The following OPCML variants were observed in gnomAD, a reference collection of about 807,000 sequenced individuals.
OPCML encodes the protein opioid binding protein/cell adhesion molecule like, also known as opioid-binding protein/cell adhesion molecule.
Under a neutral mutation model 37.8 loss-of-function variants are expected in OPCML, and 13 were observed. The observed-to-expected ratio is 0.34, with a 90% CI of 0.22 to 0.55. The LOEUF is 0.55. Ranked by LOEUF, OPCML falls within the 20% of genes least tolerant of loss-of-function variation. The probability of loss-of-function intolerance (pLI) is 0.91; values close to 1 mark genes in which losing one functional copy is unlikely to be tolerated. For missense variants in OPCML, 341 were observed against 435.6 expected, an observed-to-expected ratio of 0.78 and a Z score of 1.93; for synonymous variants, 176 against 168.8, an observed-to-expected ratio of 1.04 and a Z score of -0.33.
intron 1 of OPCML, among the ~76,000 whole-genome samples, chr11:133,411,880 G>A (rs1392923523): frequency 6.6e-6 from 1 of 152,136 alleles, no homozygotes; most frequent in Admixed American, 6.5e-5. Context: ...GGATTTGCAT[G>A]TAAGATAAAA....
chr11:132,919,663 C>T (rs904420428), intron 2 of OPCML, among the ~76,000 whole-genome samples: 4 of 152,208 alleles, frequency 2.6e-5, no homozygotes, highest in Admixed American at 1.3e-4. Context: ...ACACACGTGC[C>T]CCTTTCCAGT....
intron 7 of OPCML, among the ~76,000 whole-genome samples, chr11:132,433,224 G>A (rs751286733): frequency 5.3e-5 from 8 of 152,208 alleles, no homozygotes; most frequent in Non-Finnish European, 1.0e-4. Flanking sequence ...GTCACAATAA[G>A]TGTTGGCGGG....
chr11:133,230,275 G>A (rs995702901), intron 1 of OPCML, among the ~76,000 whole-genome samples: 4 of 152,198 alleles, frequency 2.6e-5, no homozygotes, highest in Non-Finnish European at 5.9e-5. Flanking sequence ...GTCATGAAGC[G>A]TGGTGATGCT....
intron 1 of OPCML, among the ~76,000 whole-genome samples, chr11:133,405,216 C>A (rs1329552348): frequency 6.6e-6 from 1 of 152,172 alleles, no homozygotes; most frequent in Non-Finnish European, 1.5e-5. Context: ...CTAGGGAGAC[C>A]TGTGGGCGTT....
chr11:133,483,311 C>CAGATAGATAGATAGATAGATAGAT lies in OPCML; in HGVS notation c.61+48929_61+48952dup, dbSNP rs10527085. ...ATGCGCACTAGAGCTGATAGATAGG[C>CAGATAGATAGATAGATAGATAGAT]AGATAGATAGATAGATAGATAGATA... On this transcript the variant is annotated intron_variant, in intron 1 of 7. Coordinates refer to ENST00000524381, the MANE Select transcript of OPCML (RefSeq NM_001012393.5). Among the ~76,000 whole-genome samples, 1,033 of 148,516 alleles carry CAGATAGATAGATAGATAGATAGAT rather than the reference C, an allele frequency of 7.0e-3. 5 individuals are homozygous for CAGATAGATAGATAGATAGATAGAT. The highest frequency in any genetic ancestry group is 0.012 in the African/African-American group (476 of 39,888).
At chr11:132,902,178 C>A (rs1291112424) in intron 2 of OPCML, among the ~76,000 whole-genome samples, 1 of 152,172 alleles carries the variant, frequency 6.6e-6, no homozygotes, top group Non-Finnish European at 1.5e-5. Context: ...CTGGTTGGAG[C>A]TTTCCTGAGG....
intron 1 of OPCML, among the ~76,000 whole-genome samples, chr11:133,441,471 A>T (rs1204520445): frequency 6.6e-6 from 1 of 152,230 alleles, no homozygotes; most frequent in Non-Finnish European, 1.5e-5. Flanking sequence ...TATACTATTT[A>T]TATGACTGTT....
intron 1 of OPCML, among the ~76,000 whole-genome samples, chr11:133,518,713 TGGTGTGTGTG>T (rs1948340191): frequency 6.7e-6 from 1 of 148,732 alleles, no homozygotes; most frequent in African/African-American, 2.6e-5. Flanking sequence ...TGGCAGGTGC[TGGTGTGTGTG>T]GGGCTGTGGC....
chr11:133,412,638 G>A (rs923986312), intron 1 of OPCML, among the ~76,000 whole-genome samples: 1 of 151,716 alleles, frequency 6.6e-6, no homozygotes, highest in African/African-American at 2.4e-5. Flanking sequence ...AATAGTACAC[G>A]TATGCCCCTA....
intron 2 of OPCML, among the ~76,000 whole-genome samples, chr11:132,729,710 G>T (rs1333551120): frequency 6.6e-6 from 1 of 152,210 alleles, no homozygotes; most frequent in Non-Finnish European, 1.5e-5. Context: ...CATGTGGTTT[G>T]CATTCAAATG....
chr11:132,819,682 C>A (rs1939857292), intron 2 of OPCML, among the ~76,000 whole-genome samples: 1 of 152,150 alleles, frequency 6.6e-6, no homozygotes, highest in Non-Finnish European at 1.5e-5. Flanking sequence ...TTTGTCTAGA[C>A]ATATGATATC....
chr11:133,261,986 C>T (rs972645447), intron 1 of OPCML, among the ~76,000 whole-genome samples: 1 of 152,106 alleles, frequency 6.6e-6, no homozygotes, highest in African/African-American at 2.4e-5. Flanking sequence ...CCTGCCCTGC[C>T]GTGGGTGGCT....
At chr11:133,136,547 T>C (rs1362570129) in intron 1 of OPCML, among the ~76,000 whole-genome samples, 4 of 151,946 alleles carry the variant, frequency 2.6e-5, no homozygotes, top group African/African-American at 4.8e-5. Context: ...CCTAATGGGC[T>C]GGGTTGGCTT....
chr11:133,227,875 G>T (rs932777921), intron 1 of OPCML, among the ~76,000 whole-genome samples: 1 of 152,150 alleles, frequency 6.6e-6, no homozygotes. Context: ...CGGTGCAAAC[G>T]CTGGGCCCTG....
At chr11:133,493,260 G>A (rs146229858) in intron 1 of OPCML, among the ~76,000 whole-genome samples, 5 of 152,222 alleles carry the variant, frequency 3.3e-5, no homozygotes, top group South Asian at 2.1e-4. Flanking sequence ...CTTGCACGCC[G>A]GGCAGGCCTC....
At chr11:133,052,853 C>A (rs1380734871) in intron 1 of OPCML, among the ~76,000 whole-genome samples, 1 of 152,208 alleles carries the variant, frequency 6.6e-6, no homozygotes, top group Non-Finnish European at 1.5e-5. Flanking sequence ...AAAGCAGAGG[C>A]CTGAGCCCAG....
intron 2 of OPCML, among the ~76,000 whole-genome samples, chr11:132,877,713 T>C (rs995168765): frequency 1.3e-5 from 2 of 152,164 alleles, no homozygotes; most frequent in Non-Finnish European, 2.9e-5. Context: ...TATTCACTAG[T>C]ACTCTACCCT....
At chr11:133,104,758 T>C (rs1949132859) in intron 1 of OPCML, among the ~76,000 whole-genome samples, 1 of 152,242 alleles carries the variant, frequency 6.6e-6, no homozygotes. Flanking sequence ...GGCTGAAGAA[T>C]GTGACATTTC....
At chr11:133,200,124 G>C (rs553312027) in intron 1 of OPCML, among the ~76,000 whole-genome samples, 81 of 152,270 alleles carry the variant, frequency 5.3e-4, no homozygotes, top group Middle Eastern at 6.8e-3. Flanking sequence ...AAAGCCTGAT[G>C]TCTCTGCTGA....
Sources: gnomAD v4.1 joint callset for allele counts (sites outside exome capture counted in the v4.1 genomes callset) on GRCh38, gnomAD v4.1.1 for gene constraint, MANE v1.5 for transcripts, NCBI Gene and HGNC (gene_info 2026-07-23, HGNC 2026-07-21) for gene names.